ASTN2: variants seen among roughly 807,000 people sequenced by gnomAD.
The protein encoded by ASTN2 is astrotactin-2.
Under a neutral mutation model 139.8 loss-of-function variants are expected in ASTN2, and 54 were observed. That is an observed-to-expected ratio of 0.39 (90% CI 0.31 to 0.48). The LOEUF (loss-of-function observed/expected upper bound fraction) is 0.48. ASTN2 is among the 20% of genes least tolerant of loss of function. The probability of loss-of-function intolerance (pLI) is 0.95; values close to 1 mark genes in which losing one functional copy is unlikely to be tolerated. For missense variants in ASTN2, 1,565 were observed against 1,725.1 expected (o/e 0.91, Z 1.64); for synonymous variants, 756 against 719.5 (o/e 1.05, Z -0.81).
chr9:117,185,885 T>C (rs1045019770), intron 3 of ASTN2, among the ~76,000 whole-genome samples: 1 of 152,174 alleles, frequency 6.6e-6, no homozygotes, highest in Non-Finnish European at 1.5e-5. Flanking sequence ...AATGAGCCAA[T>C]TGCTGTTATA....
intron 10 of ASTN2, among the ~76,000 whole-genome samples, chr9:116,957,837 C>T (rs944684052): frequency 1.3e-5 from 2 of 152,176 alleles, no homozygotes; most frequent in African/African-American, 4.8e-5. Context: ...CATGCCACCA[C>T]ATCCAGCTCA....
At chr9:116,578,619 C>CGTGT (rs71377254) in intron 19 of ASTN2, among the ~76,000 whole-genome samples, 13,555 of 137,448 alleles carry the variant, frequency 0.099, 806 homozygotes, top group Non-Finnish European at 0.15. Flanking sequence ...CTGGCTCCAA[C>CGTGT]GTGTGTGTGT....
At chr9:116,959,385 C>G (rs143605111) in intron 10 of ASTN2, among the ~76,000 whole-genome samples, 1 of 152,220 alleles carries the variant, frequency 6.6e-6, no homozygotes, top group Admixed American at 6.5e-5. Flanking sequence ...AGAAGCAGGG[C>G]TGAGTCCTCA....
intron 1 of ASTN2, among the ~76,000 whole-genome samples, chr9:117,333,890 G>T (rs1378731360): frequency 6.6e-6 from 1 of 152,166 alleles, no homozygotes; most frequent in Non-Finnish European, 1.5e-5. Context: ...TCAGCACTAG[G>T]CCAGGGCCTG....
intron 6 of ASTN2, among the ~76,000 whole-genome samples, chr9:117,010,478 A>C (rs1216932760): frequency 6.6e-6 from 1 of 152,212 alleles, no homozygotes; most frequent in Non-Finnish European, 1.5e-5. Context: ...TACACAGTGC[A>C]GTGATAAAGA....
intron 1 of ASTN2, among the ~76,000 whole-genome samples, chr9:117,379,838 C>A (rs1260626234): frequency 6.6e-6 from 1 of 152,092 alleles, no homozygotes; most frequent in Non-Finnish European, 1.5e-5. Context: ...TGGGGAATTT[C>A]CATTAACATG....
intron 19 of ASTN2, among the ~76,000 whole-genome samples, chr9:116,559,876 G>T (rs985301798): frequency 3.3e-5 from 5 of 152,076 alleles, no homozygotes; most frequent in African/African-American, 1.2e-4. Flanking sequence ...TATGAGCCAG[G>T]AGCATTTTCT....
intron 19 of ASTN2, among the ~76,000 whole-genome samples, chr9:116,554,444 T>C (rs967342085): frequency 2.6e-5 from 4 of 152,182 alleles, no homozygotes; most frequent in African/African-American, 9.7e-5. Context: ...TTCTATTGTG[T>C]TACATGGTAT....
intron 2 of ASTN2, among the ~76,000 whole-genome samples, chr9:117,258,542 TC>T (rs1211798557): frequency 6.6e-6 from 1 of 152,116 alleles, no homozygotes; most frequent in Admixed American, 6.5e-5. Flanking sequence ...GGAGCGGGTG[TC>T]CCTGCTCCAT....
rs543158700 is a variant in ASTN2 at position 117,025,354 on chromosome 9, C to A, written c.1423+14465G>T. On this transcript the variant is annotated intron_variant, in intron 6 of 22. Transcript: ENST00000313400. ...ATGTGCCCTCACCCCTGTACTCATG[C>A]CCCCCCTTTTGGGGTAGCAGAAGCT... 3.3e-5 allele frequency among the ~76,000 whole-genome samples: 5 copies of A among 152,222 alleles called. No homozygotes were observed. The South Asian group carries it at 1.0e-3, about 32-fold the overall frequency.
At chr9:117,172,445 T>C (rs1461366684) in intron 3 of ASTN2, among the ~76,000 whole-genome samples, 1 of 152,174 alleles carries the variant, frequency 6.6e-6, no homozygotes, top group Non-Finnish European at 1.5e-5. Context: ...AAGAATACAT[T>C]TAAGTCTAGT....
At chr9:117,196,639 C>G (rs1831512771) in intron 3 of ASTN2, among the ~76,000 whole-genome samples, 1 of 152,100 alleles carries the variant, frequency 6.6e-6, no homozygotes, top group East Asian at 1.9e-4. Context: ...TAAACTGAGG[C>G]AGGAGAGCAG....
At chr9:117,016,642 A>ATGTAACC (rs1837702579) in intron 6 of ASTN2, among the ~76,000 whole-genome samples, 2 of 21,026 alleles carry the variant, frequency 9.5e-5, no homozygotes, top group African/African-American at 2.3e-4. Context: ...ATATATATAT[A>ATGTAACC]TATATATATA....
intron 1 of ASTN2, among the ~76,000 whole-genome samples, chr9:117,400,643 C>T (rs1830803287): frequency 6.6e-6 from 1 of 152,156 alleles, no homozygotes; most frequent in East Asian, 1.9e-4. Flanking sequence ...CACCTGGGTT[C>T]AGAGCTGAGT....
At chr9:117,362,232 C>T (rs983171023) in intron 1 of ASTN2, among the ~76,000 whole-genome samples, 6 of 152,140 alleles carry the variant, frequency 3.9e-5, no homozygotes, top group Non-Finnish European at 7.4e-5. Context: ...CCTTGGCCTC[C>T]CAAAGTGCTG....
chr9:116,852,882 C>T (rs1378886530), intron 11 of ASTN2, among the ~76,000 whole-genome samples: 1 of 134,254 alleles, frequency 7.4e-6, no homozygotes, highest in Non-Finnish European at 1.7e-5. Context: ...GGAAAATACA[C>T]ACACACACAC....
chr9:116,444,453 A>C (rs975503101), intron 20 of ASTN2, among the ~76,000 whole-genome samples: 33 of 152,196 alleles, frequency 2.2e-4, no homozygotes, highest in Non-Finnish European at 1.2e-4. Flanking sequence ...TCACAGGTTC[A>C]GAAAATTAAG....
intron 13 of ASTN2, among the ~76,000 whole-genome samples, chr9:116,743,605 G>A (rs953993934): frequency 4.6e-5 from 7 of 151,468 alleles, no homozygotes; most frequent in Non-Finnish European, 1.0e-4. Flanking sequence ...TCCATCTCCC[G>A]GGTTCAAGCG....
At chr9:116,878,037 T>C (rs1833350574) in intron 10 of ASTN2, among the ~76,000 whole-genome samples, 1 of 152,112 alleles carries the variant, frequency 6.6e-6, no homozygotes. Flanking sequence ...TGAATGGCAG[T>C]TTTTAAAAAG....
Sources: gnomAD v4.1 joint callset for allele counts (sites outside exome capture counted in the v4.1 genomes callset) on GRCh38, gnomAD v4.1.1 for gene constraint, MANE v1.5 for transcripts, NCBI Gene and HGNC (gene_info 2026-07-23, HGNC 2026-07-21) for gene names.